OTOA: variants seen among roughly 807,000 people sequenced by gnomAD.
OTOA encodes the protein otoancorin, also known as cancer/testis antigen 108.
OTOA carries 70 observed loss-of-function variants against 110.8 expected under a neutral mutation model. The observed-to-expected ratio is 0.63, with a 90% CI of 0.52 to 0.77. OTOA has a LOEUF of 0.77. OTOA is among the 30% of genes least tolerant of loss of function. The pLI is 0.00. For synonymous variants in OTOA, 373 were observed against 431.5 expected, an observed-to-expected ratio of 0.86 and a Z score of 1.68; for missense variants, 917 against 1,075.8, an observed-to-expected ratio of 0.85 and a Z score of 2.06.
At chr16:21,695,601 G>C (rs1897915830) in intron 9 of OTOA, among the ~76,000 whole-genome samples, 1 of 151,738 alleles carries the variant, frequency 6.6e-6, no homozygotes, top group Admixed American at 6.6e-5. Flanking sequence ...TCCTGGTTTG[G>C]GAGAGGCACT....
At chr16:21,679,910 T>C (rs568899522) in intron 5 of OTOA, among the ~76,000 whole-genome samples, 9 of 152,216 alleles carry the variant, frequency 5.9e-5, no homozygotes, top group African/African-American at 2.2e-4. Context: ...CCAGGACCCA[T>C]TCCCTTTACT....
rs780322156 is a variant in OTOA, at chr16:21,710,113, A to G, written c.1320+10A>G. 21 of 1,603,194 alleles carry G rather than the reference A, an allele frequency of 1.3e-5. No homozygotes were observed. The highest frequency in any genetic ancestry group is 1.7e-5 in the Non-Finnish European group (20 of 1,174,048). On this transcript the variant is annotated intron_variant, in intron 13 of 28. Transcript: ENST00000646100. ...CTTGGCCCATGAGAAGGTCAGCTGGAGTTTTAAACTCTTTTTTATTCCCCT... is the reference window on the plus strand; with the variant it reads ...CTTGGCCCATGAGAAGGTCAGCTGGGGTTTTAAACTCTTTTTTATTCCCCT...
intron 18 of OTOA, among the ~76,000 whole-genome samples, chr16:21,724,257 G>A (rs1016702704): frequency 4.6e-5 from 7 of 152,112 alleles, no homozygotes; most frequent in Non-Finnish European, 8.8e-5. Context: ...GGGATAATGA[G>A]GACTGGACAT....
In OTOA at chr16:21,678,509, A is replaced by G. The variant is rs1250618465; in HGVS notation, c.-4-2A>G. The G allele has an allele frequency of 6.2e-7, 1 of 1,608,866 alleles. No individual in the cohort carries two copies. The highest frequency in any genetic ancestry group is 8.5e-7 in the Non-Finnish European group (1 of 1,175,670). ...TCACTTCTATGCTTAAATTAACTACAGGAGAATGTCTCAGGAACCTACGAC... is the reference window on the plus strand; with the variant it reads ...TCACTTCTATGCTTAAATTAACTACGGGAGAATGTCTCAGGAACCTACGAC... On this transcript the variant is annotated splice_acceptor_variant, in intron 1 of 28. Coordinates refer to ENST00000646100, the MANE Select transcript of OTOA (RefSeq NM_144672.4). LOFTEE classifies it low-confidence loss of function (5UTR_SPLICE).
intron 21 of OTOA, 115 bp from the exon 22 acceptor site, chr16:21,736,146 G>A (rs1567399997): frequency 6.0e-5 from 56 of 930,006 alleles, no homozygotes; most frequent in South Asian, 5.7e-4. Flanking sequence ...TATATGAGAA[G>A]TTGCTATAAC....
chr16:21,708,377 C>A (rs1898256585), intron 12 of OTOA, among the ~76,000 whole-genome samples: 2 of 152,238 alleles, frequency 1.3e-5, no homozygotes, highest in South Asian at 4.1e-4. Flanking sequence ...GCTCACTGGC[C>A]TGCTGCTCAC....
chr16:21,691,390 C>T (rs1453195516), intron 8 of OTOA, among the ~76,000 whole-genome samples, 194 bp from the exon 9 acceptor site: 2 of 152,180 alleles, frequency 1.3e-5, no homozygotes, highest in African/African-American at 4.8e-5. Context: ...GGAATCACCA[C>T]GCTGTCTTCC....
chr16:21,727,688 TAACAG>T (rs2141718353), intron 19 of OTOA, among the ~76,000 whole-genome samples: 1 of 152,134 alleles, frequency 6.6e-6, no homozygotes, highest in African/African-American at 2.4e-5. Context: ...CTCAGAGCAA[TAACAG>T]TGACAGCAGC....
chr16:21,695,887 A>G (rs867204574), intron 9 of OTOA, among the ~76,000 whole-genome samples: 2 of 61,636 alleles, frequency 3.2e-5, no homozygotes, highest in African/African-American at 1.7e-4. Context: ...ATATATATAT[A>G]TATATTTTTT....
intron 7 of OTOA, 116 bp downstream of exon 7, chr16:21,685,477 C>T (rs1198309564): frequency 7.0e-7 from 1 of 1,420,736 alleles, no homozygotes; most frequent in Non-Finnish European, 9.6e-7. Flanking sequence ...CTTCCTCTCT[C>T]CTTCTGCCTC....
intron 21 of OTOA, among the ~76,000 whole-genome samples, chr16:21,732,116 C>A (rs1398437579): frequency 1.3e-5 from 2 of 151,946 alleles, no homozygotes; most frequent in African/African-American, 4.8e-5. Context: ...CAGGCCCCTG[C>A]CACTATGCCC....
At chr16:21,728,168 A>C in intron 19 of OTOA, 73 bp from the exon 20 acceptor site, 1 of 1,583,694 alleles carries the variant, frequency 6.3e-7, no homozygotes, top group Non-Finnish European at 8.7e-7. Context: ...CCCACCCCAC[A>C]GGATGTGTTT....
chr16:21,704,831 G>T, intron 11 of OTOA: 1 of 741,322 alleles, frequency 1.3e-6, no homozygotes, highest in South Asian at 1.4e-5. Flanking sequence ...AATGAGACTT[G>T]ATCTGATTGG....
At chr16:21,694,443 T>TA (rs985819205) in intron 9 of OTOA, among the ~76,000 whole-genome samples, 10 of 151,716 alleles carry the variant, frequency 6.6e-5, no homozygotes, top group African/African-American at 2.4e-4. Context: ...ACCTTGTCTC[T>TA]AAAAAAAAGT....
intron 1 of OTOA, among the ~76,000 whole-genome samples, chr16:21,672,233 G>C (rs1462950024): frequency 6.6e-6 from 1 of 152,128 alleles, no homozygotes; most frequent in Admixed American, 6.5e-5. Context: ...CATCTGTGTT[G>C]TTGCCTATAT....
At position 21,687,506 on chromosome 16, in the gene OTOA, G is replaced by A. The variant is rs138735724; in HGVS notation, c.493G>A (p.Glu165Lys). The change falls in exon 8 of 29, where the codon GAG becomes AAG. Residue 165 changes from glutamate (E) to lysine (K), a missense_variant. Coordinates refer to ENST00000646100, the MANE Select transcript of OTOA (RefSeq NM_144672.4). ...CCGCAGCCTGTTTCTCATCACACTG[G>A]AGAGGTGTTTCCAGATGCTGAACTC... is the stretch of plus-strand genomic sequence containing the variant. ...VNRSLFLITL[E>K]RCFQMLNSLE... 6.2e-7 allele frequency: 1 copy of A among 1,613,968 alleles called. No homozygotes were observed. Among genetic ancestry groups the A allele is most frequent in the African/African-American group, 1.3e-5 (1 of 74,880 alleles).
chr16:21,664,458 G>A (rs1229501953), intron 1 of OTOA, among the ~76,000 whole-genome samples: 1 of 152,046 alleles, frequency 6.6e-6, no homozygotes, highest in African/African-American at 2.4e-5. Flanking sequence ...TCGAGAAAAG[G>A]GATCCAAAAC....
At chr16:21,714,858 G>C (rs1898500638) in intron 13 of OTOA, 127 bp from the exon 14 acceptor site, 1 of 1,244,876 alleles carries the variant, frequency 8.0e-7, no homozygotes, top group Non-Finnish European at 1.2e-6. Flanking sequence ...GGCAGCATCT[G>C]TCTGGCTCAC....
chr16:21,691,804 C>A, intron 9 of OTOA, 117 bp downstream of exon 9: 2 of 937,320 alleles, frequency 2.1e-6, no homozygotes, highest in Non-Finnish European at 3.4e-6. Flanking sequence ...TACCACCTCC[C>A]ACTGCTTCGA....
Sources: allele counts gnomAD v4.1 joint callset (sites outside exome capture counted in the v4.1 genomes callset), GRCh38; gene constraint gnomAD v4.1.1; transcripts MANE v1.5; gene names NCBI Gene and HGNC (gene_info 2026-07-23, HGNC 2026-07-21).